The following ARCN1 variants were observed in gnomAD, a reference collection of about 807,000 sequenced individuals.
The protein encoded by ARCN1 is coatomer subunit delta.
A neutral mutation model predicts 60.4 loss-of-function variants in ARCN1; 5 were observed. That is an observed-to-expected ratio of 0.08 (90% CI 0.04 to 0.17). The LOEUF (loss-of-function observed/expected upper bound fraction) is 0.17. ARCN1 is among the 10% of genes least tolerant of loss of function. The pLI is 1.00. For missense variants in ARCN1, 464 were observed against 626.5 expected (o/e 0.74, Z 2.77); for synonymous variants, 224 against 220.0 (o/e 1.02, Z -0.16).
chr11:118,577,400 C>T lies in ARCN1; in HGVS notation c.4-3846C>T, dbSNP rs560023750. Among the ~76,000 whole-genome samples the T allele has an allele frequency of 7.2e-5, 11 of 152,172 alleles. No homozygotes were observed. The South Asian group carries it at 2.3e-3, about 32-fold the overall frequency. On this transcript the variant is annotated intron_variant, in intron 1 of 9. Coordinates refer to ENST00000264028, the MANE Select transcript of ARCN1 (RefSeq NM_001655.5). ...AGCTGGGACTACAGACGTGCACCACCAGACTTGGCTAATTTTTTGTATTTT... is the reference window on the plus strand; with the variant it reads ...AGCTGGGACTACAGACGTGCACCACTAGACTTGGCTAATTTTTTGTATTTT...
Position 118,601,411 on chromosome 11 carries a change from C to A in ARCN1, c.*697C>A. On this transcript the variant is annotated 3_prime_UTR_variant, in exon 10 of 10. Transcript: ENST00000264028. ...ATAATCCCTAAATATAGTTATATTT[C>A]ATACTTAGTTTGTTTTTAAAAAGTT... is the stretch of plus-strand genomic sequence containing the variant. The A allele has an allele frequency of 1.7e-6, 1 of 591,980 alleles. No individual in the cohort carries two copies. The allele number at this position is 591,980 out of a possible 1,614,324, so 36.7% of individuals were successfully genotyped here.
At chr11:118,573,854 G>T in intron 1 of ARCN1, 1 of 514,388 alleles carries the variant, frequency 1.9e-6, no homozygotes, top group Non-Finnish European at 3.5e-6. Flanking sequence ...CCAGAAACTT[G>T]TATTTTCAGT....
rs1555078427 is a variant in ARCN1 at position 118,602,960 on chromosome 11, G to A, written c.*2246G>A. The A allele has an allele frequency of 6.5e-6, 1 of 153,708 alleles. No homozygotes were observed. The highest frequency in any genetic ancestry group is 2.4e-5 in the African/African-American group (1 of 41,424). The allele number at this position is 153,708 out of a possible 1,614,324, so 9.5% of individuals were successfully genotyped here. A position where few individuals can be genotyped will look rare whatever the true frequency, so the allele number is the denominator to read the frequency against. On this transcript the variant is annotated 3_prime_UTR_variant, in exon 10 of 10. Transcript: ENST00000264028. Reference sequence around the variant, plus strand: ...TATTGGATTATTGACTCACTTTGGTGTCTGCTTGTTGATTCAGGATGCTGT... The same window carrying A: ...TATTGGATTATTGACTCACTTTGGTATCTGCTTGTTGATTCAGGATGCTGT...
chr11:118,593,384 C>T (rs984865133), intron 7 of ARCN1, among the ~76,000 whole-genome samples: 1 of 149,624 alleles, frequency 6.7e-6, no homozygotes, highest in Non-Finnish European at 1.5e-5. Context: ...AGTGCCACCA[C>T]GCCTGGCTTT....
In ARCN1 at chr11:118,572,500, A is replaced by G. The variant is rs782348895; in HGVS notation, c.-48A>G. 1 of 1,608,672 alleles carries G rather than the reference A, an allele frequency of 6.2e-7. No homozygotes were observed. The highest frequency in any genetic ancestry group is 8.5e-7 in the Non-Finnish European group (1 of 1,177,548). On this transcript the variant is annotated 5_prime_UTR_variant, in exon 1 of 10. Coordinates refer to ENST00000264028, the MANE Select transcript of ARCN1 (RefSeq NM_001655.5). ...CTCCCGTTCCCCAGACCCTACCCCTATCCCCAGTGGAGCCGGAGTGCGGGC... is the reference window on the plus strand; with the variant it reads ...CTCCCGTTCCCCAGACCCTACCCCTGTCCCCAGTGGAGCCGGAGTGCGGGC...
chr11:118,580,868 C>T (rs535020459), intron 1 of ARCN1, among the ~76,000 whole-genome samples: 1 of 152,228 alleles, frequency 6.6e-6, no homozygotes, highest in African/African-American at 2.4e-5. Context: ...CGTGGTAGTT[C>T]ACGCCTATAA....
At chr11:118,588,768 A>G (rs1938830769) in intron 5 of ARCN1, among the ~76,000 whole-genome samples, 1 of 151,992 alleles carries the variant, frequency 6.6e-6, no homozygotes, top group Non-Finnish European at 1.5e-5. Flanking sequence ...CTGTAATCCC[A>G]ACACTTCGGG....
chr11:118,581,623 C>A, intron 2 of ARCN1, 114 bp downstream of exon 2: 1 of 1,041,544 alleles, frequency 9.6e-7, no homozygotes, highest in Non-Finnish European at 1.4e-6. Flanking sequence ...TACTCCGCAC[C>A]CCAGCGACTT....
intron 1 of ARCN1, among the ~76,000 whole-genome samples, chr11:118,578,128 C>G (rs1239987979): frequency 6.6e-6 from 1 of 151,344 alleles, no homozygotes; most frequent in Admixed American, 6.6e-5. Flanking sequence ...CACCACTGCA[C>G]TCCAGCCTGG....
At chr11:118,590,686 G>A (rs1555076208) in intron 6 of ARCN1, among the ~76,000 whole-genome samples, 180 bp downstream of exon 6, 1 of 152,172 alleles carries the variant, frequency 6.6e-6, no homozygotes, top group African/African-American at 2.4e-5. Flanking sequence ...AGTGAGTAAA[G>A]CAGCTGTGTA....
chr11:118,583,766 AC>A, intron 3 of ARCN1, 42 bp from the exon 4 acceptor site: 1 of 1,594,422 alleles, frequency 6.3e-7, no homozygotes, highest in Non-Finnish European at 8.5e-7. Context: ...CTCAACAAAA[AC>A]CCAAAAAAAA....
At position 118,575,043 on chromosome 11, in the gene ARCN1, A is replaced by G. The variant is rs140807615; in HGVS notation, c.3+2493A>G. On this transcript the variant is annotated intron_variant, in intron 1 of 9. Transcript: ENST00000264028. ...CTCCAGGCTGGAGTGCAGTGGCACA[A>G]TCTCAGCTCACTGCAACTTCTGCCT... is the stretch of plus-strand genomic sequence containing the variant. Among the ~76,000 whole-genome samples, 1,406 of 152,254 alleles carry G rather than the reference A, an allele frequency of 9.2e-3. 20 individuals carry two copies. The highest frequency in any genetic ancestry group is 0.032 in the African/African-American group (1,328 of 41,536).
chr11:118,582,699 CCGG>C lies in ARCN1; in HGVS notation c.268-479_268-477del, dbSNP rs1565360716. Among the ~76,000 whole-genome samples the C allele has an allele frequency of 2.2e-5, 3 of 134,962 alleles. No homozygotes were observed. The East Asian group carries it at 6.7e-4, about 30-fold the overall frequency. 88.5% of individuals were successfully genotyped at this position (134,962 alleles called of 152,430 possible). On this transcript the variant is annotated intron_variant, in intron 2 of 9. Coordinates refer to ENST00000264028, the MANE Select transcript of ARCN1 (RefSeq NM_001655.5). ...CGAGATCGTGCCACTGCACTCCAGA[CCGG>C]GTGACAGAGTTAGACTTTGTCTTAA...
At chr11:118,599,945 T>C (rs1396390599) in intron 9 of ARCN1, among the ~76,000 whole-genome samples, 1 of 152,158 alleles carries the variant, frequency 6.6e-6, no homozygotes. Context: ...CCCATCAGTG[T>C]TGGAAGCAAC....
intron 1 of ARCN1, among the ~76,000 whole-genome samples, chr11:118,579,727 T>C (rs1938608936): frequency 6.6e-6 from 1 of 152,124 alleles, no homozygotes; most frequent in East Asian, 1.9e-4. Flanking sequence ...AAATATGTTC[T>C]TAAAATAGTT....
At position 118,593,681 on chromosome 11, in the gene ARCN1, T is replaced by C. The variant is rs1938962749; in HGVS notation, c.1224T>C (p.Val408=). Residue 408 remains valine, a synonymous_variant, in exon 8 of 10, where the codon GTT becomes GTC. Transcript: ENST00000264028. ...QEDNLELNDV[V]ITIPLPSGVG... ...ATAATTTAGAACTGAATGATGTGGT[T>C]ATCACCATCCCACTCCCGTAAGTGC... 1 of 1,610,864 alleles carries C rather than the reference T, an allele frequency of 6.2e-7. No individual in the cohort carries two copies.
At position 118,590,456 on chromosome 11, in the gene ARCN1, C is replaced by G. The variant is rs1565363889; in HGVS notation, c.934C>G (p.Arg312Gly). ...TAGGATCTCAGATGACAAGTATGGC[C>G]GAATTCGTCTTCATGTGGAAAATGA... ...MLRISDDKYG[R>G]IRLHVENEDK... is the part of the protein sequence containing the mutation. The change falls in exon 6 of 10, where the codon CGA becomes GGA. Residue 312 changes from arginine to glycine, a missense_variant. Transcript: ENST00000264028. 1.9e-6 allele frequency: 3 copies of G among 1,613,988 alleles called. No homozygotes were observed. Among genetic ancestry groups the G allele is most frequent in the Non-Finnish European group, 2.5e-6 (3 of 1,180,044 alleles).
At position 118,583,308 on chromosome 11, in the gene ARCN1, T is replaced by C. The variant is rs1555074943; in HGVS notation, c.397T>C (p.Phe133Leu). 6.2e-7 allele frequency: 1 copy of C among 1,614,010 alleles called. No homozygotes were observed. The highest frequency in any genetic ancestry group is 8.5e-7 in the Non-Finnish European group (1 of 1,180,006). Residue 133 changes from phenylalanine to leucine, a missense_variant, in exon 3 of 10, where the codon TTC becomes CTC. Transcript: ENST00000264028. The part of the protein sequence containing the change: ...ENVNLAQIRT[F>L]TEMDSHEEKV... ...TGTTAACTTGGCACAGATCAGAACC[T>C]TCACAGAAATGGATTCTCATGAGGA...
At chr11:118,596,998 A>G (rs1196827743) in intron 8 of ARCN1, among the ~76,000 whole-genome samples, 2 of 152,200 alleles carry the variant, frequency 1.3e-5, no homozygotes, top group Admixed American at 1.3e-4. Flanking sequence ...TCACGGGGTC[A>G]GGAGATGAGA....
Sources: gnomAD v4.1 joint callset for allele counts (sites outside exome capture counted in the v4.1 genomes callset) on GRCh38, gnomAD v4.1.1 for gene constraint, MANE v1.5 for transcripts, NCBI Gene and HGNC (gene_info 2026-07-23, HGNC 2026-07-21) for gene names.